The following NPHP3 variants were observed in gnomAD, a reference collection of about 807,000 sequenced individuals.
NPHP3 encodes the protein nephrocystin 3, also known as nephrocystin-3.
NPHP3 carries 123 observed loss-of-function variants against 171.9 expected under a neutral mutation model. The observed-to-expected ratio is 0.72, with a 90% CI of 0.62 to 0.83. NPHP3 has a LOEUF of 0.83. NPHP3 is among the 40% of genes least tolerant of loss of function. The probability of loss-of-function intolerance (pLI) is 0.00; values close to 1 mark genes in which losing one functional copy is unlikely to be tolerated. For synonymous variants in NPHP3, 558 were observed against 579.2 expected (o/e 0.96, Z 0.52); for missense variants, 1,506 against 1,591.9 (o/e 0.95, Z 0.92).
rs764978219 is a variant in NPHP3 at position 132,684,692 on chromosome 3, T to C, written c.3432A>G (p.Leu1144=). The stretch of plus-strand genomic sequence containing the variant: ...TATCATACTGTTTCTTTTCATTGCA[T>C]AGAGCTGCCAGATTATTCAAAGACT... ...CAQSLNNLAA[L]CNEKKQYDKA... is the part of the protein sequence containing the mutation. Residue 1144 remains leucine, a synonymous_variant, in exon 24 of 27, where the codon CTA becomes CTG. Transcript: ENST00000337331. 17 of 1,613,998 alleles carry C rather than the reference T, an allele frequency of 1.1e-5. No homozygotes were observed. The highest frequency in any genetic ancestry group is 1.4e-5 in the Non-Finnish European group (17 of 1,180,008).
rs767339363 is a variant in NPHP3 at position 132,694,905 on chromosome 3, A to G, written c.2232T>C (p.Thr744=). Residue 744 remains threonine, a synonymous_variant, in exon 16 of 27, where the codon ACT becomes ACC. Coordinates refer to ENST00000337331, the MANE Select transcript of NPHP3 (RefSeq NM_153240.5). The stretch of plus-strand genomic sequence containing the variant: ...GCAGAACAAGTCTATATAATGAAAG[A>G]GTATCTTGACACTGGAAACACTGAT... The part of the protein sequence containing the change: ...ILHQCFQCQD[T]LSLYRLVLHS... 6.9e-5 allele frequency: 112 copies of G among 1,613,716 alleles called. No homozygotes were observed. Among genetic ancestry groups the G allele is most frequent in the Middle Eastern group, 3.3e-4 (2 of 6,082 alleles).
rs113855356 is a variant in NPHP3, at chr3:132,684,978, C to T, written c.3330-184G>A. ...CTATCTCTTCCTGCCCTTTTCCTGA[C>T]AGTTTGAGGGCCTAAAATGTGTGGA... On this transcript the variant is annotated intron_variant, in intron 23 of 26. Transcript: ENST00000337331. 291 of 639,386 alleles carry T rather than the reference C, an allele frequency of 4.6e-4. 1 individual carries two copies. Among genetic ancestry groups the T allele is most frequent in the African/African-American group, 4.1e-3 (223 of 54,858 alleles). The allele number at this position is 639,386 out of a possible 1,614,324, so 39.6% of individuals were successfully genotyped here. A position where few individuals can be genotyped will look rare whatever the true frequency, so the allele number is the denominator to read the frequency against.
At chr3:132,701,603 G>A in intron 9 of NPHP3, 70 bp from the exon 10 acceptor site, 1 of 978,598 alleles carries the variant, frequency 1.0e-6, no homozygotes, top group Non-Finnish European at 1.6e-6. Context: ...GTCAACTTCT[G>A]ATTATTCTTT....
intron 15 of NPHP3, chr3:132,695,306 G>C (rs1367433565): frequency 4.5e-6 from 1 of 223,666 alleles, no homozygotes; most frequent in Non-Finnish European, 9.1e-6. Flanking sequence ...GATAAGTATT[G>C]TTAGTTAGCC....
At chr3:132,697,203 A>T (rs535323128) in intron 14 of NPHP3, 57 bp downstream of exon 14, 2 of 1,153,680 alleles carry the variant, frequency 1.7e-6, no homozygotes, top group South Asian at 2.4e-5. Context: ...CTCACATAAG[A>T]TGTTTCATAG....
intron 26 of NPHP3, chr3:132,682,346 T>G: frequency 1.8e-6 from 1 of 563,398 alleles, no homozygotes; most frequent in Non-Finnish European, 3.2e-6. Flanking sequence ...TAAGCAAAGT[T>G]AGGTATTCTC....
intron 22 of NPHP3, among the ~76,000 whole-genome samples, chr3:132,686,602 A>G (rs1203444053): frequency 6.6e-6 from 1 of 152,238 alleles, no homozygotes; most frequent in African/African-American, 2.4e-5. Flanking sequence ...TATTTCATGA[A>G]AATGATTATA....
rs139730838 is a variant in NPHP3 at position 132,699,952 on chromosome 3, A to G, written c.1853T>C (p.Ile618Thr). 722 of 1,614,164 alleles carry G rather than the reference A, an allele frequency of 4.5e-4. 2 individuals carry two copies. Among genetic ancestry groups the G allele is most frequent in the South Asian group, 2.9e-3 (268 of 91,088 alleles). ...EKLSARHQGSIIIVIDSIDQV... is the reference protein window; with the variant it reads ...EKLSARHQGSTIIVIDSIDQV... ...ATCTATAGAATCAATAACGATGATG[A>G]TGCTGCCTTGATGACGAGCAGAGAG... Residue 618 changes from isoleucine (I) to threonine (T), a missense_variant, in exon 12 of 27, where the codon ATC (isoleucine) becomes ACC (threonine). Around this residue, in one of 3 missense-constraint regions of NPHP3, gnomAD observed 930 missense variants for 924.9 expected, o/e 1.01. Coordinates refer to ENST00000337331, the MANE Select transcript of NPHP3 (RefSeq NM_153240.5).
At chr3:132,685,449 A>G (rs1299558884) in intron 23 of NPHP3, 1 of 152,174 alleles carries the variant, frequency 6.6e-6, no homozygotes, top group East Asian at 1.9e-4. Flanking sequence ...AGAATAAATC[A>G]TTATTTTTTA....
intron 2 of NPHP3, 146 bp from the exon 3 acceptor site, chr3:132,719,290 C>A: frequency 1.5e-6 from 1 of 680,310 alleles, no homozygotes; most frequent in Non-Finnish European, 2.4e-6. Flanking sequence ...GTCCTAGTAC[C>A]TTTACCTTAC....
chr3:132,696,131 T>TA (rs35732987), intron 15 of NPHP3, among the ~76,000 whole-genome samples: 4,797 of 151,704 alleles, frequency 0.032, 126 homozygotes, highest in East Asian at 0.11. Flanking sequence ...TTTTTTTTTT[T>TA]ACCTCAGATT....
intron 23 of NPHP3, 68 bp downstream of exon 23, chr3:132,686,192 A>C: frequency 6.5e-7 from 1 of 1,539,238 alleles, no homozygotes; most frequent in Non-Finnish European, 9.0e-7. Flanking sequence ...CTTGACAAAA[A>C]TGTAAAACAG....
chr3:132,709,048 C>G (rs546648390), intron 6 of NPHP3, among the ~76,000 whole-genome samples: 81 of 152,152 alleles, frequency 5.3e-4, no homozygotes, highest in Non-Finnish European at 9.9e-4. Context: ...CTTTTCTCAT[C>G]TAATAAATGA....
rs200440531 is a variant in NPHP3, at chr3:132,694,876, G to A, written c.2261C>T (p.Ser754Phe). 2.5e-6 allele frequency: 4 copies of A among 1,613,580 alleles called. No individual in the cohort carries two copies. The East Asian group carries it at 8.9e-5, about 36-fold the overall frequency. ...ATCATTTGCCATGGACTCCCGGATA[G>A]AGTGCAGAACAAGTCTATATAATGA... ...TLSLYRLVLH[S>F]IRESMANDVD... The change falls in exon 16 of 27, where the codon TCT becomes TTT. Residue 754 changes from serine (S) to phenylalanine (F), a missense_variant. By Grantham distance (155) the Ser-to-Phe change is radical (BLOSUM62 -2). Around this residue, in one of 3 missense-constraint regions of NPHP3, gnomAD observed 930 missense variants for 924.9 expected, o/e 1.01. Transcript: ENST00000337331.
At chr3:132,698,263 G>T (rs944883132) in intron 13 of NPHP3, among the ~76,000 whole-genome samples, 1 of 152,130 alleles carries the variant, frequency 6.6e-6, no homozygotes, top group Admixed American at 6.5e-5. Flanking sequence ...ACAGGCATGA[G>T]CCACTGCGCC....
intron 21 of NPHP3, among the ~76,000 whole-genome samples, chr3:132,688,066 A>G (rs1939206710): frequency 6.6e-6 from 1 of 152,192 alleles, no homozygotes; most frequent in Admixed American, 6.5e-5. Context: ...CTGAAAACCC[A>G]AATTCTGAAA....
Position 132,708,199 on chromosome 3 carries a change from A to G in NPHP3, c.1177T>C (p.Leu393=). Residue 393 remains leucine, a synonymous_variant, in exon 7 of 27, where the codon TTA becomes CTA. Coordinates refer to ENST00000337331, the MANE Select transcript of NPHP3 (RefSeq NM_153240.5). ...FLKNPEGKPR[L]IFHRLEDGKV... The stretch of plus-strand genomic sequence containing the variant: ...CCATCTTCCAAACGATGAAAGATTA[A>G]TCGAGGTTTTCCTTCAGGGTTTTTC... 1 of 1,614,154 alleles carries G rather than the reference A, an allele frequency of 6.2e-7. No individual in the cohort carries two copies. Among genetic ancestry groups the G allele is most frequent in the Non-Finnish European group, 8.5e-7 (1 of 1,179,962 alleles).
chr3:132,696,947 A>T, intron 14 of NPHP3, 134 bp from the exon 15 acceptor site: 1 of 776,524 alleles, frequency 1.3e-6, no homozygotes, highest in Non-Finnish European at 2.2e-6. Context: ...ACATCACAAC[A>T]TGCAGTGGTG....
At chr3:132,696,872 C>T (rs1939467504) in intron 14 of NPHP3, 59 bp from the exon 15 acceptor site, 13 of 1,339,814 alleles carry the variant, frequency 9.7e-6, no homozygotes, top group East Asian at 9.2e-5. Context: ...TGGAATTAAG[C>T]GGTCTTTACT....
Sources: allele counts gnomAD v4.1 joint callset (sites outside exome capture counted in the v4.1 genomes callset), GRCh38; gene constraint gnomAD v4.1.1; regional missense constraint gnomAD v4.1.1; transcripts MANE v1.5; gene names NCBI Gene and HGNC (gene_info 2026-07-23, HGNC 2026-07-21).